SGIP1: variants seen among roughly 807,000 people sequenced by gnomAD.
SGIP1 encodes the protein SH3-containing GRB2-like protein 3-interacting protein 1.
Under a neutral mutation model 107.5 loss-of-function variants are expected in SGIP1, and 38 were observed. The ratio of observed to expected loss-of-function variants is 0.35; its 90% CI spans 0.27 to 0.46. The LOEUF is 0.46. Ranked by LOEUF, SGIP1 falls within the 20% of genes least tolerant of loss-of-function variation. SGIP1 has a pLI of 1.00. For synonymous variants in SGIP1, 365 were observed against 366.1 expected, an observed-to-expected ratio of 1.00 and a Z score of 0.03; for missense variants, 929 against 1,019.5, an observed-to-expected ratio of 0.91 and a Z score of 1.21.
chr1:66,541,927 T>C (rs2055043010), intron 1 of SGIP1, among the ~76,000 whole-genome samples: 2 of 152,156 alleles, frequency 1.3e-5, no homozygotes, highest in Admixed American at 1.3e-4. Flanking sequence ...TTCAGAAGCA[T>C]GGAGTCTAGT....
chr1:66,684,616 G>C (rs1048816754), intron 15 of SGIP1, among the ~76,000 whole-genome samples: 1 of 152,178 alleles, frequency 6.6e-6, no homozygotes, highest in Non-Finnish European at 1.5e-5. Flanking sequence ...CCCTCCAAGG[G>C]TAGGCCACAA....
chr1:66,704,370 A>G (rs2092305261), intron 18 of SGIP1: 1 of 152,132 alleles, frequency 6.6e-6, no homozygotes, highest in Non-Finnish European at 1.5e-5. Flanking sequence ...TGCCTCTACC[A>G]GAGCCCATTA....
intron 18 of SGIP1, among the ~76,000 whole-genome samples, chr1:66,705,326 AGTAATAACAG>A (rs2092393071): frequency 6.6e-6 from 1 of 152,216 alleles, no homozygotes; most frequent in Non-Finnish European, 1.5e-5. Flanking sequence ...TTCTATTCAG[AGTAATAACAG>A]CATGACTTCC....
At position 66,624,948 on chromosome 1, in the gene SGIP1, T is replaced by A. The variant is rs570628223; in HGVS notation, c.11-899T>A. ...GTCAGGATGGAAGAAAAGGGCTTTC[T>A]TAGCCAGTGCTGCTTGAATGGTGCT... On this transcript the variant is annotated intron_variant, in intron 1 of 24. Coordinates refer to ENST00000371037, the MANE Select transcript of SGIP1 (RefSeq NM_032291.4). Among the ~76,000 whole-genome samples, 21 of 152,290 alleles carry A rather than the reference T, an allele frequency of 1.4e-4. No homozygotes were observed. The East Asian group carries it at 3.9e-3, about 28-fold the overall frequency.
intron 1 of SGIP1, among the ~76,000 whole-genome samples, chr1:66,576,905 A>C (rs1024465658): frequency 3.3e-5 from 5 of 152,154 alleles, no homozygotes; most frequent in Non-Finnish European, 7.4e-5. Context: ...CCTTCTCCCC[A>C]AGCAGAGCTG....
intron 1 of SGIP1, among the ~76,000 whole-genome samples, chr1:66,582,539 T>C (rs2061972297): frequency 6.6e-6 from 1 of 151,992 alleles, no homozygotes; most frequent in Non-Finnish European, 1.5e-5. Context: ...TTTTTTTTTT[T>C]TGTAAAGGGC....
rs977773058 is a variant in SGIP1 at position 66,683,971 on chromosome 1, C to A, written c.1315+1602C>A. 44 of 1,323,430 alleles carry A rather than the reference C, an allele frequency of 3.3e-5. No homozygotes were observed. In the Admixed American group the frequency reaches 1.1e-3, roughly 32 times the overall value. The allele number at this position is 1,323,430 out of a possible 1,614,324, so 82.0% of individuals were successfully genotyped here. A position where few individuals can be genotyped will look rare whatever the true frequency, so the allele number is the denominator to read the frequency against. On this transcript the variant is annotated intron_variant, in intron 15 of 24. Coordinates refer to ENST00000371037, the MANE Select transcript of SGIP1 (RefSeq NM_032291.4). The stretch of plus-strand genomic sequence containing the variant: ...GCCTCAAGTGACCCACCTGCCTCAG[C>A]CTCCCAAAGTGCTGGGATTATAGGC...
intron 7 of SGIP1, among the ~76,000 whole-genome samples, chr1:66,655,590 A>G (rs768333820): frequency 3.2e-4 from 49 of 152,234 alleles, no homozygotes; most frequent in Admixed American, 1.0e-3. Flanking sequence ...CCTACCACAC[A>G]CCTAGGCTGC....
chr1:66,681,789 T>C, intron 14 of SGIP1, 80 bp from the exon 15 acceptor site: 1 of 1,450,698 alleles, frequency 6.9e-7, no homozygotes, highest in Non-Finnish European at 9.4e-7. Context: ...CAATGTATTT[T>C]CCAGTCTTTG....
intron 20 of SGIP1, 73 bp downstream of exon 20, chr1:66,729,492 T>C (rs2093910572): frequency 6.4e-7 from 1 of 1,565,548 alleles, no homozygotes; most frequent in Admixed American, 1.7e-5. Flanking sequence ...GAGGGATATA[T>C]CTTAGCAACA....
intron 8 of SGIP1, among the ~76,000 whole-genome samples, chr1:66,662,188 T>A (rs2081632648): frequency 6.6e-6 from 1 of 152,208 alleles, no homozygotes; most frequent in Non-Finnish European, 1.5e-5. Context: ...TAGTAATAAA[T>A]GTAGTGATCA....
At chr1:66,536,456 A>G (rs138754703) in intron 1 of SGIP1, among the ~76,000 whole-genome samples, 1 of 152,356 alleles carries the variant, frequency 6.6e-6, no homozygotes, top group African/African-American at 2.4e-5. Flanking sequence ...TCAATTTGCT[A>G]TCAGTTGCCT....
intron 18 of SGIP1, among the ~76,000 whole-genome samples, chr1:66,706,076 T>G (rs888839968): frequency 7.9e-5 from 12 of 151,724 alleles, no homozygotes; most frequent in African/African-American, 2.9e-4. Context: ...GTTTCTGAAT[T>G]CCAGTTATAT....
At chr1:66,684,358 C>T (rs1037520661) in intron 15 of SGIP1, among the ~76,000 whole-genome samples, 1 of 152,190 alleles carries the variant, frequency 6.6e-6, no homozygotes, top group African/African-American at 2.4e-5. Flanking sequence ...CGTCTGTGCT[C>T]CTCTAATTCT....
intron 16 of SGIP1, 151 bp downstream of exon 16, chr1:66,689,426 T>G: frequency 1.0e-6 from 1 of 999,572 alleles, no homozygotes; most frequent in Non-Finnish European, 1.4e-6. Context: ...TGAGTGTACA[T>G]TTCAACCCTC....
intron 1 of SGIP1, among the ~76,000 whole-genome samples, chr1:66,602,964 T>C (rs2066150101): frequency 6.6e-6 from 1 of 152,220 alleles, no homozygotes; most frequent in Non-Finnish European, 1.5e-5. Flanking sequence ...TTCTGTGCTC[T>C]AGTTATTACC....
rs1020892746 is a variant in SGIP1 at position 66,603,691 on chromosome 1, A to G, written c.11-22156A>G. 2.0e-5 allele frequency among the ~76,000 whole-genome samples: 3 copies of G among 152,138 alleles called. No individual in the cohort carries two copies. In the East Asian group the frequency reaches 6.0e-4, roughly 30 times the overall value. On this transcript the variant is annotated intron_variant, in intron 1 of 24. Coordinates refer to ENST00000371037, the MANE Select transcript of SGIP1 (RefSeq NM_032291.4). ...TTTTTTTAAGCAAAATGATTAAAGC[A>G]AGGTCTAGAATGGAAGAATAAATTA... is the stretch of plus-strand genomic sequence containing the variant.
chr1:66,737,031 C>T (rs2094288921), intron 21 of SGIP1, among the ~76,000 whole-genome samples: 1 of 152,048 alleles, frequency 6.6e-6, no homozygotes, highest in Non-Finnish European at 1.5e-5. Flanking sequence ...ATAGAAAACA[C>T]ATTTTATTTA....
chr1:66,643,787 A>C, intron 7 of SGIP1, 68 bp downstream of exon 7: 1 of 1,396,952 alleles, frequency 7.2e-7, no homozygotes, highest in Non-Finnish European at 9.5e-7. Context: ...GCCTATATGC[A>C]TTAAGTCAAT....
Sources: allele counts gnomAD v4.1 joint callset (sites outside exome capture counted in the v4.1 genomes callset), GRCh38; gene constraint gnomAD v4.1.1; transcripts MANE v1.5; gene names NCBI Gene and HGNC (gene_info 2026-07-23, HGNC 2026-07-21).